The following RPN2 variants were observed in gnomAD, a reference collection of about 807,000 sequenced individuals.
RPN2 encodes the protein ribophorin II, also known as dolichyl-diphosphooligosaccharide--protein glycosyltransferase subunit 2.
In RPN2, 29 loss-of-function variants were observed where a neutral mutation model predicts 71.4. The ratio of observed to expected loss-of-function variants is 0.41; its 90% CI spans 0.30 to 0.55. The LOEUF (loss-of-function observed/expected upper bound fraction) is 0.55, where lower values mean the gene tolerates loss of function less well. RPN2 is among the 20% of genes least tolerant of loss of function. RPN2 has a pLI of 0.35. For synonymous variants in RPN2, 308 were observed against 305.0 expected, an observed-to-expected ratio of 1.01 and a Z score of -0.10; for missense variants, 726 against 774.1, an observed-to-expected ratio of 0.94 and a Z score of 0.74.
intron 2 of RPN2, among the ~76,000 whole-genome samples, chr20:37,194,452 G>A (rs2067211453): frequency 1.3e-5 from 2 of 152,180 alleles, no homozygotes; most frequent in South Asian, 4.1e-4. Flanking sequence ...AGTAGAGATG[G>A]AGTTTCACCA....
intron 7 of RPN2, among the ~76,000 whole-genome samples, chr20:37,209,601 C>A (rs2067606101): frequency 6.6e-6 from 1 of 152,052 alleles, no homozygotes; most frequent in South Asian, 2.1e-4. Context: ...GTATCTGGGA[C>A]TACAAGCACA....
rs532538349 is a variant in RPN2 at position 37,183,909 on chromosome 20, G to T, written c.14-271G>T. 5.3e-5 allele frequency among the ~76,000 whole-genome samples: 8 copies of T among 152,304 alleles called. No individual in the cohort carries two copies. The South Asian group carries it at 1.7e-3, about 32-fold the overall frequency. ...GGATTCAGGATTGGGTTTGTCCTTA[G>T]AGGCAGAGGACTTACAGACATCTTT... On this transcript the variant is annotated intron_variant, in intron 1 of 16. Transcript: ENST00000237530.
At chr20:37,212,803 T>G (rs2067706464) in intron 8 of RPN2, among the ~76,000 whole-genome samples, 2 of 152,230 alleles carry the variant, frequency 1.3e-5, no homozygotes, top group South Asian at 4.1e-4. Context: ...AGTGTTAAAT[T>G]AGGTAATAAG....
intron 2 of RPN2, among the ~76,000 whole-genome samples, chr20:37,194,603 C>T (rs1246317672): frequency 1.3e-5 from 2 of 152,192 alleles, no homozygotes; most frequent in African/African-American, 4.8e-5. Flanking sequence ...TTTGTTAATA[C>T]ATTATAGGAG....
chr20:37,221,365 T>G (rs1166704607), intron 9 of RPN2, among the ~76,000 whole-genome samples: 1 of 151,966 alleles, frequency 6.6e-6, no homozygotes. Flanking sequence ...CTGGCTAATT[T>G]TTTTGTATTT....
At position 37,188,303 on chromosome 20, in the gene RPN2, C is replaced by T. The variant is rs187491130; in HGVS notation, c.207+3930C>T. Among the ~76,000 whole-genome samples, 523 of 151,980 alleles carry T rather than the reference C, an allele frequency of 3.4e-3. 5 individuals carry two copies. Among genetic ancestry groups the T allele is most frequent in the African/African-American group, 3.0e-3 (125 of 41,466 alleles). On this transcript the variant is annotated intron_variant, in intron 2 of 16. Coordinates refer to ENST00000237530, the MANE Select transcript of RPN2 (RefSeq NM_002951.5). ...CCTGCCTCAGCCTCCTATAGGTGCA[C>T]GCCACCACACCCAGCTGATTTTTTG...
rs1471987127 is a variant in RPN2 at position 37,198,644 on chromosome 20, A to G, written c.303+152A>G. ...CCTGTGATTTTTTTTTTCCTTAAGA[A>G]AGTATAGTTTATGTTTCTCCTAAGT... On this transcript the variant is annotated intron_variant, in intron 3 of 16. Transcript: ENST00000237530. 2.1e-6 allele frequency: 3 copies of G among 1,398,344 alleles called. No homozygotes were observed. In the Admixed American group the frequency reaches 7.7e-5, roughly 36 times the overall value. 86.6% of individuals were successfully genotyped at this position (1,398,344 alleles called of 1,614,324 possible).
intron 2 of RPN2, among the ~76,000 whole-genome samples, chr20:37,190,485 G>T (rs1350018258): frequency 1.3e-5 from 2 of 152,170 alleles, no homozygotes; most frequent in Non-Finnish European, 2.9e-5. Flanking sequence ...TCTGTCATCG[G>T]TAAGATGGAG....
intron 2 of RPN2, among the ~76,000 whole-genome samples, chr20:37,196,231 C>G (rs2067254103): frequency 6.6e-6 from 1 of 151,466 alleles, no homozygotes; most frequent in Non-Finnish European, 1.5e-5. Flanking sequence ...AGTCTCCCCC[C>G]CACCTTTTTT....
intron 4 of RPN2, among the ~76,000 whole-genome samples, chr20:37,199,913 G>A (rs2067342955): frequency 6.6e-6 from 1 of 152,084 alleles, no homozygotes; most frequent in Admixed American, 6.6e-5. Context: ...ACTCACTGCA[G>A]CCTTGAACTC....
At chr20:37,182,128 C>G (rs1377246206) in intron 1 of RPN2, among the ~76,000 whole-genome samples, 1 of 152,044 alleles carries the variant, frequency 6.6e-6, no homozygotes, top group East Asian at 1.9e-4. Context: ...GAGTCTCACT[C>G]TGTCACCCAG....
chr20:37,222,807 GT>G (rs2067992293), intron 9 of RPN2, among the ~76,000 whole-genome samples: 1 of 152,130 alleles, frequency 6.6e-6, no homozygotes, highest in African/African-American at 2.4e-5. Flanking sequence ...AATTTAACAT[GT>G]TTTCTGTCTC....
intron 2 of RPN2, among the ~76,000 whole-genome samples, chr20:37,191,174 G>C (rs2146534192): frequency 1.3e-5 from 2 of 152,242 alleles, no homozygotes; most frequent in African/African-American, 4.8e-5. Flanking sequence ...TTGATTTTAG[G>C]TGTTATAAAG....
intron 10 of RPN2, 84 bp downstream of exon 10, chr20:37,224,053 A>G: frequency 9.2e-7 from 1 of 1,087,236 alleles, no homozygotes; most frequent in Non-Finnish European, 1.4e-6. Flanking sequence ...CCCTGCAGGC[A>G]TCAGTTCTGT....
At chr20:37,225,909 T>C (rs2068063974) in intron 11 of RPN2, 107 bp downstream of exon 11, 1 of 831,578 alleles carries the variant, frequency 1.2e-6, no homozygotes, top group South Asian at 1.4e-5. Context: ...GTTCCTGCTT[T>C]CAGGTTTTGA....
At position 37,179,332 on chromosome 20, in the gene RPN2, A is replaced by T. The variant is rs2066770174; in HGVS notation, c.-25A>T. On this transcript the variant is annotated 5_prime_UTR_variant, in exon 1 of 17. Coordinates refer to ENST00000237530, the MANE Select transcript of RPN2 (RefSeq NM_002951.5). ...GAGCGGAAGTCAGCCCGCGGCTCGG[A>T]CTCCGGCGGGACCTGCTCGGAGGAA... is the stretch of plus-strand genomic sequence containing the variant. The T allele has an allele frequency of 6.7e-7, 1 of 1,489,524 alleles. No homozygotes were observed. Among genetic ancestry groups the T allele is most frequent in the African/African-American group, 1.5e-5 (1 of 65,010 alleles). The allele number at this position is 1,489,524 out of a possible 1,614,324, so 92.3% of individuals were successfully genotyped here.
At chr20:37,207,231 C>T in intron 6 of RPN2, 42 bp from the exon 7 acceptor site, 2 of 1,546,176 alleles carry the variant, frequency 1.3e-6, no homozygotes, top group Non-Finnish European at 1.8e-6. Context: ...CCCACCTTCC[C>T]AGCAGAGGAA....
intron 9 of RPN2, among the ~76,000 whole-genome samples, chr20:37,220,160 T>C (rs2067915340): frequency 6.6e-6 from 1 of 152,130 alleles, no homozygotes; most frequent in African/African-American, 2.4e-5. Flanking sequence ...TCTTCCTCCT[T>C]ATTACATTAG....
intron 9 of RPN2, among the ~76,000 whole-genome samples, chr20:37,214,245 G>A (rs765230495): frequency 3.9e-5 from 6 of 152,136 alleles, no homozygotes; most frequent in Non-Finnish European, 8.8e-5. Context: ...TGCCAAATAG[G>A]TGACAAAAAG....
Sources: gnomAD v4.1 joint callset for allele counts (sites outside exome capture counted in the v4.1 genomes callset) on GRCh38, gnomAD v4.1.1 for gene constraint, MANE v1.5 for transcripts, NCBI Gene and HGNC (gene_info 2026-07-23, HGNC 2026-07-21) for gene names.